The following BTBD8 variants were observed in gnomAD, a reference collection of about 807,000 sequenced individuals.
BTBD8 encodes the protein BTB/POZ domain-containing protein 8.
BTBD8 carries 110 observed loss-of-function variants against 162.9 expected under a neutral mutation model. That is an observed-to-expected ratio of 0.68 (90% CI 0.58 to 0.79). The LOEUF (loss-of-function observed/expected upper bound fraction) is 0.79, where lower values mean the gene tolerates loss of function less well. Among genes scored for constraint, BTBD8 ranks in the 30% least tolerant of loss-of-function variants. The probability of loss-of-function intolerance (pLI) is 0.00; values close to 1 mark genes in which losing one functional copy is unlikely to be tolerated. For missense variants in BTBD8, 1,905 were observed against 2,085.4 expected, an observed-to-expected ratio of 0.91 and a Z score of 1.68; for synonymous variants, 667 against 716.1, an observed-to-expected ratio of 0.93 and a Z score of 1.10.
chr1:92,146,161 AAG>A (rs941447893), intron 7 of BTBD8, among the ~76,000 whole-genome samples: 1 of 152,232 alleles, frequency 6.6e-6, no homozygotes, highest in African/African-American at 2.4e-5. Context: ...TGCTTTAAAA[AAG>A]ATATTTAACC....
At chr1:92,167,177 T>A (rs1650406162) in intron 10 of BTBD8, 37 bp downstream of exon 10, 6 of 1,541,474 alleles carry the variant, frequency 3.9e-6, no homozygotes, top group Non-Finnish European at 5.3e-6. Flanking sequence ...TTTAGTTCCA[T>A]CTTTGTGTTC....
chr1:92,088,405 GAA>G (rs1395030269), intron 1 of BTBD8, among the ~76,000 whole-genome samples: 1 of 152,094 alleles, frequency 6.6e-6, no homozygotes, highest in Non-Finnish European at 1.5e-5. Flanking sequence ...ATAAGTAGCA[GAA>G]AATATTTTTT....
chr1:92,084,477 A>G (rs1242915632), intron 1 of BTBD8, among the ~76,000 whole-genome samples: 1 of 152,146 alleles, frequency 6.6e-6, no homozygotes, highest in Admixed American at 6.5e-5. Context: ...CAGGCTGTAA[A>G]GGGGATTGAA....
intron 4 of BTBD8, chr1:92,125,785 C>A: frequency 2.4e-6 from 1 of 413,758 alleles, no homozygotes; most frequent in Non-Finnish European, 4.7e-6. Context: ...GCCATATTTC[C>A]ATGTCTCCTT....
Position 92,164,127 on chromosome 1 carries a change from C to T in BTBD8, c.1123-2831C>T, listed in dbSNP as rs144034587. 1.9e-3 allele frequency among the ~76,000 whole-genome samples: 282 copies of T among 152,304 alleles called. 2 individuals carry two copies. The highest frequency in any genetic ancestry group is 6.4e-3 in the African/African-American group (268 of 41,560). ...AACGACAATGGTCCTAAAAATTAGA[C>T]GAATTATAGCAAAGTATGACTTTTT... On this transcript the variant is annotated intron_variant, in intron 9 of 17. Coordinates refer to ENST00000636805, the MANE Select transcript of BTBD8 (RefSeq NM_001376131.1).
intron 7 of BTBD8, among the ~76,000 whole-genome samples, chr1:92,146,468 A>G (rs1557456070): frequency 6.6e-6 from 1 of 152,286 alleles, no homozygotes; most frequent in East Asian, 1.9e-4. Flanking sequence ...TTATCATCCA[A>G]AATTCATGGT....
intron 4 of BTBD8, chr1:92,125,750 TA>T: frequency 2.3e-6 from 1 of 444,038 alleles, no homozygotes. Flanking sequence ...ATCTTGATGA[TA>T]ATGAGAGAAG....
intron 7 of BTBD8, among the ~76,000 whole-genome samples, chr1:92,144,599 A>G (rs1389811008): frequency 1.3e-5 from 2 of 151,790 alleles, no homozygotes; most frequent in Non-Finnish European, 2.9e-5. Context: ...CTTGAGCCCA[A>G]GAGTTTATAA....
At chr1:92,116,097 A>G (rs1318127906) in intron 4 of BTBD8, among the ~76,000 whole-genome samples, 1 of 151,926 alleles carries the variant, frequency 6.6e-6, no homozygotes, top group African/African-American at 2.4e-5. Context: ...TTTCTTCTTT[A>G]CCCATGGGTT....
intron 5 of BTBD8, among the ~76,000 whole-genome samples, chr1:92,138,846 A>G (rs17131604): frequency 0.035 from 5,397 of 152,262 alleles, 348 homozygotes; most frequent in African/African-American, 0.12. Flanking sequence ...TATCATTCCA[A>G]ACTACCTCTT....
chr1:92,171,262 A>G, intron 12 of BTBD8, 137 bp from the exon 13 acceptor site: 2 of 558,748 alleles, frequency 3.6e-6, no homozygotes, highest in Non-Finnish European at 6.1e-6. Flanking sequence ...GTTGTTTTGT[A>G]TACTAGATTG....
chr1:92,092,860 A>G (rs1275085749), intron 2 of BTBD8, among the ~76,000 whole-genome samples: 1 of 152,192 alleles, frequency 6.6e-6, no homozygotes, highest in Non-Finnish European at 1.5e-5. Context: ...ATTTGCTAAC[A>G]TGGTTTTTGC....
chr1:92,173,547 G>C (rs548885742), intron 13 of BTBD8, among the ~76,000 whole-genome samples: 1 of 152,266 alleles, frequency 6.6e-6, no homozygotes, highest in East Asian at 1.9e-4. Context: ...CTGCAGAATA[G>C]AACAAAGTTT....
rs755618646 is a variant in BTBD8 at position 92,141,138 on chromosome 1, T to G, written c.857T>G (p.Met286Arg). The change falls in exon 7 of 18, where the codon ATG (methionine) becomes AGG (arginine). Residue 286 changes from methionine to arginine, a missense_variant. Physicochemically the swap from Met to Arg is moderately conservative, Grantham distance 91 (BLOSUM62 -1). This residue lies in a region of BTBD8 where 1,374 missense variants were observed against 1,442.7 expected (regional missense o/e 0.95). Coordinates refer to ENST00000636805, the MANE Select transcript of BTBD8 (RefSeq NM_001376131.1). Reference protein sequence around the residue: ...NVGQILNMADMYGLEGLKEVA... With the variant: ...NVGQILNMADRYGLEGLKEVA... ...AGTCAGATACTCAATATGGCTGATATGTATGGACTAGAAGGATTAAAAGAA... is the reference window on the plus strand; with the variant it reads ...AGTCAGATACTCAATATGGCTGATAGGTATGGACTAGAAGGATTAAAAGAA... 6.4e-7 allele frequency: 1 copy of G among 1,568,436 alleles called. No homozygotes were observed. Among genetic ancestry groups the G allele is most frequent in the Admixed American group, 1.9e-5 (1 of 51,668 alleles).
At chr1:92,139,226 T>G in intron 5 of BTBD8, 124 bp from the exon 6 acceptor site, 1 of 989,648 alleles carries the variant, frequency 1.0e-6, no homozygotes, top group Non-Finnish European at 1.4e-6. Flanking sequence ...ATTTGAAGAG[T>G]ATATTCTTCA....
In BTBD8 at chr1:92,182,453, A is replaced by G. The variant is rs1223688819; in HGVS notation, c.4770A>G (p.Gln1590=). 2.6e-6 allele frequency: 4 copies of G among 1,551,650 alleles called. No homozygotes were observed. In the South Asian group the frequency reaches 3.6e-5, roughly 14 times the overall value. Residue 1590 remains glutamine, a synonymous_variant, in exon 17 of 18, where the codon CAA becomes CAG. Transcript: ENST00000636805. ...GACCATGTCACTTGGATCTTCATCA[A>G]AGAGAACCCAATTCTGACATACCAA... ...QERPCHLDLH[Q]REPNSDIPKN...
At chr1:92,119,729 C>T (rs1464981561) in intron 4 of BTBD8, among the ~76,000 whole-genome samples, 3 of 150,332 alleles carry the variant, frequency 2.0e-5, no homozygotes, top group Admixed American at 1.3e-4. Context: ...CGGGTTCACG[C>T]CGTTCTCCTG....
chr1:92,153,128 GT>G (rs5776138), intron 9 of BTBD8, among the ~76,000 whole-genome samples: 95,260 of 151,620 alleles, frequency 0.63, 30,434 homozygotes, highest in East Asian at 0.97. Context: ...TATTAATAGT[GT>G]TTTTTTTAAA....
chr1:92,084,753 C>G (rs1648108765), intron 1 of BTBD8, among the ~76,000 whole-genome samples: 1 of 152,132 alleles, frequency 6.6e-6, no homozygotes, highest in Non-Finnish European at 1.5e-5. Context: ...CTGGTGCCTT[C>G]CCTACTGAGG....
Sources: allele counts gnomAD v4.1 joint callset (sites outside exome capture counted in the v4.1 genomes callset), GRCh38; gene constraint gnomAD v4.1.1; regional missense constraint gnomAD v4.1.1; transcripts MANE v1.5; gene names NCBI Gene and HGNC (gene_info 2026-07-23, HGNC 2026-07-21).